EXOC4: variants seen among roughly 807,000 people sequenced by gnomAD.
EXOC4 encodes the protein exocyst complex component 4, also known as SEC8-like 1.
A neutral mutation model predicts 107.2 loss-of-function variants in EXOC4; 71 were observed. That is an observed-to-expected ratio of 0.66 (90% CI 0.55 to 0.81). The LOEUF (loss-of-function observed/expected upper bound fraction) is 0.81. Ranked by LOEUF, EXOC4 falls within the 30% of genes least tolerant of loss-of-function variation. The pLI is 0.00. For missense variants in EXOC4, 1,108 were observed against 1,189.6 expected, an observed-to-expected ratio of 0.93 and a Z score of 1.01; for synonymous variants, 456 against 441.2, an observed-to-expected ratio of 1.03 and a Z score of -0.42.
chr7:133,314,293 A>G (rs1794941986), intron 4 of EXOC4, among the ~76,000 whole-genome samples: 1 of 152,084 alleles, frequency 6.6e-6, no homozygotes. Flanking sequence ...CTTTCTCTGG[A>G]ACTTTTGAGA....
At chr7:133,672,982 C>T (rs747662126) in intron 10 of EXOC4, among the ~76,000 whole-genome samples, 1 of 152,108 alleles carries the variant, frequency 6.6e-6, no homozygotes, top group African/African-American at 2.4e-5. Context: ...CTTTGAGGTC[C>T]AAGCACTGCC....
intron 10 of EXOC4, among the ~76,000 whole-genome samples, chr7:133,666,035 C>T (rs1271248473): frequency 6.6e-6 from 1 of 152,134 alleles, no homozygotes; most frequent in Non-Finnish European, 1.5e-5. Flanking sequence ...TCAGCTTTCC[C>T]ACATGCATGA....
chr7:133,526,804 C>T (rs914443723), intron 9 of EXOC4, among the ~76,000 whole-genome samples: 2 of 151,202 alleles, frequency 1.3e-5, no homozygotes, highest in Non-Finnish European at 3.0e-5. Context: ...ACCTCGCCTC[C>T]ACTAAAAATA....
At chr7:133,681,500 G>A (rs1010078254) in intron 10 of EXOC4, among the ~76,000 whole-genome samples, 1 of 152,158 alleles carries the variant, frequency 6.6e-6, no homozygotes, top group African/African-American at 2.4e-5. Flanking sequence ...GCGAAGCAAA[G>A]CAAATTCCTT....
chr7:133,504,284 TTAAG>T (rs1390879919), intron 9 of EXOC4, among the ~76,000 whole-genome samples: 4 of 152,036 alleles, frequency 2.6e-5, no homozygotes, highest in African/African-American at 7.2e-5. Context: ...GGCATAGTAA[TTAAG>T]TGTGAATCAT....
chr7:133,966,554 G>T (rs745413565), intron 14 of EXOC4, among the ~76,000 whole-genome samples: 1 of 152,084 alleles, frequency 6.6e-6, no homozygotes, highest in East Asian at 1.9e-4. Context: ...GAATTTTATC[G>T]AAGGCTTTCC....
chr7:134,013,356 G>T (rs1443529694), intron 17 of EXOC4, among the ~76,000 whole-genome samples: 1 of 152,078 alleles, frequency 6.6e-6, no homozygotes. Context: ...TGAAATACCT[G>T]ATCAGTACTC....
intron 5 of EXOC4, among the ~76,000 whole-genome samples, chr7:133,317,884 GTTGGCCAGGCTGGTC>G (rs971401164): frequency 1.3e-5 from 2 of 152,020 alleles, no homozygotes; most frequent in African/African-American, 4.8e-5. Flanking sequence ...GTTTCACCAT[GTTGGCCAGGCTGGTC>G]TCAAACTCCT....
chr7:133,765,144 A>G (rs1184473729), intron 10 of EXOC4, among the ~76,000 whole-genome samples: 1 of 152,038 alleles, frequency 6.6e-6, no homozygotes, highest in Non-Finnish European at 1.5e-5. Context: ...TTATGAAAAT[A>G]AGTTTTCTTT....
chr7:133,431,273 G>A (rs573155040), intron 7 of EXOC4, among the ~76,000 whole-genome samples: 1 of 152,260 alleles, frequency 6.6e-6, no homozygotes, highest in African/African-American at 2.4e-5. Context: ...CATTTAATGA[G>A]TGTTTTTGTT....
At chr7:133,676,778 T>A (rs1794067333) in intron 10 of EXOC4, among the ~76,000 whole-genome samples, 1 of 152,214 alleles carries the variant, frequency 6.6e-6, no homozygotes, top group Non-Finnish European at 1.5e-5. Context: ...TTTATTTTCC[T>A]ATTTTTCTGG....
intron 9 of EXOC4, among the ~76,000 whole-genome samples, chr7:133,508,587 C>T (rs1280590726): frequency 1.3e-5 from 2 of 152,156 alleles, no homozygotes; most frequent in Non-Finnish European, 1.5e-5. Flanking sequence ...GATCATCAAC[C>T]TTACACCTTT....
intron 9 of EXOC4, among the ~76,000 whole-genome samples, chr7:133,482,275 A>G (rs1353900260): frequency 6.6e-6 from 1 of 152,148 alleles, no homozygotes; most frequent in East Asian, 1.9e-4. Flanking sequence ...GTCCCCACAC[A>G]TGCCCACCTT....
intron 10 of EXOC4, among the ~76,000 whole-genome samples, chr7:133,785,283 C>T (rs1166392532): frequency 2.1e-5 from 1 of 46,666 alleles, no homozygotes; most frequent in Non-Finnish European, 4.2e-5. Flanking sequence ...TTGTGATGCC[C>T]CCTTTTAAAT....
At chr7:134,035,677 G>T (rs1219592616) in intron 17 of EXOC4, among the ~76,000 whole-genome samples, 1 of 152,004 alleles carries the variant, frequency 6.6e-6, no homozygotes, top group Non-Finnish European at 1.5e-5. Flanking sequence ...GGTGGCTTGT[G>T]GGTGGGCTAA....
At position 133,264,600 on chromosome 7, in the gene EXOC4, C is replaced by T. The variant is rs191434042; in HGVS notation, c.87-10382C>T. Among the ~76,000 whole-genome samples the T allele has an allele frequency of 9.6e-4, 146 of 152,038 alleles. 2 individuals are homozygous for T. The highest frequency in any genetic ancestry group is 8.5e-3 in the Admixed American group (130 of 15,278). ...GATTTGGTTATGCTTTGAGGGAAGC[C>T]GTATCTTATGTGATTATATAGTGAT... On this transcript the variant is annotated intron_variant, in intron 1 of 17. Coordinates refer to ENST00000253861, the MANE Select transcript of EXOC4 (RefSeq NM_021807.4).
intron 10 of EXOC4, among the ~76,000 whole-genome samples, chr7:133,643,308 T>C (rs1046362054): frequency 1.6e-5 from 2 of 125,852 alleles, no homozygotes; most frequent in Admixed American, 9.5e-5. Flanking sequence ...GCTGGAAGGC[T>C]AGGTCAGTCT....
At chr7:133,533,647 G>A (rs1188020451) in intron 9 of EXOC4, among the ~76,000 whole-genome samples, 1 of 152,136 alleles carries the variant, frequency 6.6e-6, no homozygotes, top group African/African-American at 2.4e-5. Flanking sequence ...CTTGCCACAG[G>A]TCTTCTGTGT....
chr7:133,934,057 C>T (rs1800241857), intron 13 of EXOC4, among the ~76,000 whole-genome samples: 1 of 152,128 alleles, frequency 6.6e-6, no homozygotes, highest in East Asian at 1.9e-4. Context: ...TTTTACACAA[C>T]TGCATATCAT....
Sources: allele counts gnomAD v4.1 joint callset (sites outside exome capture counted in the v4.1 genomes callset), GRCh38; gene constraint gnomAD v4.1.1; transcripts MANE v1.5; gene names NCBI Gene and HGNC (gene_info 2026-07-23, HGNC 2026-07-21).